UFM1: variants seen among roughly 807,000 people sequenced by gnomAD.
The protein encoded by UFM1 is ubiquitin fold modifier 1.
Under a neutral mutation model 15.4 loss-of-function variants are expected in UFM1, and 9 were observed. That is an observed-to-expected ratio of 0.59 (90% CI 0.35 to 1.02). The LOEUF (loss-of-function observed/expected upper bound fraction) is 1.02, where lower values mean the gene tolerates loss of function less well. Among genes scored for constraint, UFM1 ranks in the 50% least tolerant of loss-of-function variants. The pLI is 0.02. For missense variants in UFM1, 98 were observed against 104.7 expected (o/e 0.94, Z 0.28); for synonymous variants, 27 against 36.3 (o/e 0.74, Z 0.92).
chr13:38,355,939 A>T (rs1288618108), intron 3 of UFM1, among the ~76,000 whole-genome samples: 1 of 151,902 alleles, frequency 6.6e-6, no homozygotes, highest in Non-Finnish European at 1.5e-5. Flanking sequence ...TTCCCAGCAC[A>T]TGACTGGGGT....
chr13:38,349,995 T>C lies in UFM1; in HGVS notation c.3-4T>C, dbSNP rs1244153634. On this transcript the variant is annotated splice_region_variant and splice_polypyrimidine_tract_variant and intron_variant, in intron 1 of 5. Transcript: ENST00000239878. ...CCCTGACTCTCTCCCGCTCTTTTCC[T>C]CAGGTCGAAGGTTTCCTTTAAGATC... 6.2e-7 allele frequency: 1 copy of C among 1,613,942 alleles called. No individual in the cohort carries two copies. Among genetic ancestry groups the C allele is most frequent in the Non-Finnish European group, 8.5e-7 (1 of 1,179,902 alleles).
At chr13:38,359,807 A>T (rs1383519554) in intron 5 of UFM1, 1 of 166,852 alleles carries the variant, frequency 6.0e-6, no homozygotes, top group African/African-American at 2.4e-5. Flanking sequence ...TACAGGTGAT[A>T]TATTGGTGTC....
At chr13:38,350,320 C>A (rs1878778718) in intron 2 of UFM1, 1 of 1,357,174 alleles carries the variant, frequency 7.4e-7, no homozygotes, top group Non-Finnish European at 1.0e-6. Context: ...CCTCGGAATT[C>A]ATTTGGTGGG....
In UFM1 at chr13:38,363,158, T is replaced by TGTTTC. The variant is rs1231893910; in HGVS notation, c.*2383_*2387dup. On this transcript the variant is annotated 3_prime_UTR_variant, in exon 6 of 6. Transcript: ENST00000239878. ...TCATCTGCCACAGACATAGTAGTGA[T>TGTTTC]GTTTCGTCCAACAACAGACCGCATA... The TGTTTC allele has an allele frequency of 6.6e-6, 1 of 152,210 alleles. No homozygotes were observed. The highest frequency in any genetic ancestry group is 1.5e-5 in the Non-Finnish European group (1 of 68,038). 9.4% of individuals were successfully genotyped at this position (152,210 alleles called of 1,614,324 possible).
At chr13:38,352,692 A>G (rs771842437) in intron 2 of UFM1, among the ~76,000 whole-genome samples, 8 of 152,188 alleles carry the variant, frequency 5.3e-5, no homozygotes, top group Non-Finnish European at 1.2e-4. Flanking sequence ...GCCAGTTAGA[A>G]CTTGCATTAA....
intron 2 of UFM1, among the ~76,000 whole-genome samples, chr13:38,351,905 A>G (rs1175369536): frequency 6.6e-6 from 1 of 151,510 alleles, no homozygotes; most frequent in Non-Finnish European, 1.5e-5. Flanking sequence ...AAATGTGTGT[A>G]CAAGGGTATC....
chr13:38,350,404 G>A (rs1185611570), intron 2 of UFM1, among the ~76,000 whole-genome samples: 1 of 152,202 alleles, frequency 6.6e-6, no homozygotes, highest in Non-Finnish European at 1.5e-5. Context: ...CCATCTGCTG[G>A]ATATTAGAAA....
At chr13:38,353,467 T>C (rs577727909) in intron 2 of UFM1, among the ~76,000 whole-genome samples, 2 of 152,218 alleles carry the variant, frequency 1.3e-5, no homozygotes, top group African/African-American at 4.8e-5. Context: ...TCTTAAGGTA[T>C]AAAGTAAATT....
Position 38,349,894 on chromosome 13 carries a change from T to C in UFM1, c.-26T>C. ...GTGCTACCCCCGCGGAGTTGTCGTGTGTTCTGGATTCATTCCGGCACCACC... is the reference window on the plus strand; with the variant it reads ...GTGCTACCCCCGCGGAGTTGTCGTGCGTTCTGGATTCATTCCGGCACCACC... On this transcript the variant is annotated 5_prime_UTR_variant, in exon 1 of 6. Coordinates refer to ENST00000239878, the MANE Select transcript of UFM1 (RefSeq NM_016617.4). 6 of 1,614,112 alleles carry C rather than the reference T, an allele frequency of 3.7e-6. No individual in the cohort carries two copies. In the South Asian group the frequency reaches 5.5e-5, roughly 15 times the overall value.
intron 3 of UFM1, among the ~76,000 whole-genome samples, chr13:38,357,567 G>A (rs1029428274): frequency 1.3e-4 from 19 of 150,882 alleles, no homozygotes; most frequent in African/African-American, 4.1e-4. Flanking sequence ...CTTGAATAAC[G>A]TGGGAGTTAG....
At chr13:38,356,851 A>C (rs1879122953) in intron 3 of UFM1, among the ~76,000 whole-genome samples, 1 of 151,912 alleles carries the variant, frequency 6.6e-6, no homozygotes, top group South Asian at 2.1e-4. Context: ...AAACTCAACT[A>C]TAATATCTAT....
chr13:38,359,375 T>A, intron 5 of UFM1, 42 bp downstream of exon 5: 1 of 1,599,150 alleles, frequency 6.3e-7, no homozygotes, highest in South Asian at 1.1e-5. Flanking sequence ...TGGGGTTATA[T>A]ATGTCAATTG....
At position 38,354,296 on chromosome 13, in the gene UFM1, A is replaced by G; in HGVS notation, c.117A>G (p.Glu39=). ...FTAVLKFAAE[E]FKVPAATSAI... ...CAGTCTTAAAGTTTGCAGCAGAAGA[A>G]GTAAGTACAGAAGTTGGAACAACCT... The change falls in exon 3 of 6, where the codon GAA becomes GAG. Residue 39 remains glutamate (E), a splice_region_variant and synonymous_variant. Transcript: ENST00000239878. 1.2e-6 allele frequency: 2 copies of G among 1,609,808 alleles called. No homozygotes were observed. The highest frequency in any genetic ancestry group is 1.7e-6 in the Non-Finnish European group (2 of 1,177,170).
rs114712162 is a variant in UFM1 at position 38,354,519 on chromosome 13, A to G, written c.117+223A>G. The G allele has an allele frequency of 2.2e-3, 852 of 378,770 alleles. 4 individuals carry two copies. Among genetic ancestry groups the G allele is most frequent in the African/African-American group, 0.016 (773 of 48,280 alleles). 23.5% of individuals were successfully genotyped at this position (378,770 alleles called of 1,614,324 possible). A position where few individuals can be genotyped will look rare whatever the true frequency, so the allele number is the denominator to read the frequency against. ...ATTAATGCAACCATTGAAAATTATA[A>G]GAATTTAATGAATTTTTATGAGAAT... On this transcript the variant is annotated intron_variant, in intron 3 of 5. Transcript: ENST00000239878.
Position 38,358,108 on chromosome 13 carries a change from G to A in UFM1, c.133G>A (p.Ala45Thr), listed in dbSNP as rs776219842. The stretch of plus-strand genomic sequence containing the variant: ...TTCTATTTAGTTTAAAGTTCCTGCT[G>A]CAACAAGTGCAATTATTACCAATGG... ...FAAEEFKVPA[A>T]TSAIITNDGI... Residue 45 changes from alanine (A) to threonine (T), a missense_variant, in exon 4 of 6, where the codon GCA becomes ACA. Transcript: ENST00000239878. The A allele has an allele frequency of 7.0e-7, 1 of 1,422,676 alleles. No homozygotes were observed. The highest frequency in any genetic ancestry group is 1.5e-5 in the South Asian group (1 of 65,124). 88.1% of individuals were successfully genotyped at this position (1,422,676 alleles called of 1,614,324 possible).
intron 2 of UFM1, among the ~76,000 whole-genome samples, chr13:38,353,366 T>C (rs1207256796): frequency 6.6e-6 from 1 of 152,166 alleles, no homozygotes; most frequent in Non-Finnish European, 1.5e-5. Flanking sequence ...AAGATTGTTT[T>C]CTGTTTTCAC....
chr13:38,359,328 C>T lies in UFM1; in HGVS notation c.185C>T (p.Thr62Ile), dbSNP rs1398862131. The T allele has an allele frequency of 6.2e-7, 1 of 1,611,660 alleles. No individual in the cohort carries two copies. Among genetic ancestry groups the T allele is most frequent in the South Asian group, 1.1e-5 (1 of 91,024 alleles). Residue 62 changes from threonine to isoleucine, a missense_variant, in exon 5 of 6, where the codon ACT becomes ATT. Coordinates refer to ENST00000239878, the MANE Select transcript of UFM1 (RefSeq NM_016617.4). ...GGAATAGGAATAAATCCTGCACAGA[C>T]TGCTGGTGAGTATTTGAAAACTCAT... ...NDGIGINPAQ[T>I]AGNVFLKHGS... is the part of the protein sequence containing the mutation.
intron 2 of UFM1, 48 bp from the exon 3 acceptor site, chr13:38,354,191 T>A (rs1262832135): frequency 6.3e-7 from 1 of 1,583,592 alleles, no homozygotes; most frequent in East Asian, 2.3e-5. Flanking sequence ...GGGGCTTTTT[T>A]AGAAAATGGT....
chr13:38,353,080 T>A (rs73460277), intron 2 of UFM1, among the ~76,000 whole-genome samples: 119 of 152,322 alleles, frequency 7.8e-4, no homozygotes, highest in African/African-American at 2.7e-3. Context: ...GTAAAAATGA[T>A]ACCCATTTTC....
Sources: gnomAD v4.1 joint callset for allele counts (sites outside exome capture counted in the v4.1 genomes callset) on GRCh38, gnomAD v4.1.1 for gene constraint, MANE v1.5 for transcripts, NCBI Gene and HGNC (gene_info 2026-07-23, HGNC 2026-07-21) for gene names.